The following WDFY3 variants were observed in gnomAD, a reference collection of about 807,000 sequenced individuals.
WDFY3 encodes WD repeat and FYVE domain containing 3.
Under a neutral mutation model 409.6 loss-of-function variants are expected in WDFY3, and 66 were observed. The observed-to-expected ratio is 0.16, with a 90% confidence interval of 0.13 to 0.20. WDFY3 has a LOEUF of 0.20. Ranked by LOEUF, WDFY3 falls within the 10% of genes least tolerant of loss-of-function variation. The probability of loss-of-function intolerance (pLI) is 1.00; values close to 1 mark genes in which losing one functional copy is unlikely to be tolerated. For missense variants in WDFY3, 3,031 were observed against 4,298.1 expected (o/e 0.71, Z 8.24); for synonymous variants, 1,521 against 1,537.1 (o/e 0.99, Z 0.25).
intron 53 of WDFY3, among the ~76,000 whole-genome samples, chr4:84,707,421 C>T (rs1578199127): frequency 6.6e-6 from 1 of 152,100 alleles, no homozygotes; most frequent in African/African-American, 2.4e-5. Context: ...GGTAGACATG[C>T]CTTGGCCACT....
chr4:84,782,968 T>G lies in WDFY3; in HGVS notation c.4169A>C (p.Tyr1390Ser). 6.2e-7 allele frequency: 1 copy of G among 1,612,786 alleles called. No homozygotes were observed. The highest frequency in any genetic ancestry group is 8.5e-7 in the Non-Finnish European group (1 of 1,179,738). ...ACAAAGATAAGTCCACTCACCCAAG[T>G]ATCCAATCAGAGCGGCCCCAATTGT... ...ARTIGAALIG[Y>S]LGVRTFVPKP... The change falls in exon 25 of 68, where the codon TAC becomes TCC. Residue 1390 changes from tyrosine to serine, a missense_variant. Physicochemically the swap from Tyr to Ser is moderately radical, Grantham distance 144. Transcript: ENST00000295888.
chr4:84,946,759 T>C (rs1395955544), intron 1 of WDFY3, among the ~76,000 whole-genome samples: 1 of 152,110 alleles, frequency 6.6e-6, no homozygotes, highest in Non-Finnish European at 1.5e-5. Flanking sequence ...ACCCTGGCTC[T>C]AGTACAGACA....
At chr4:84,797,213 C>A (rs1749606848) in intron 18 of WDFY3, among the ~76,000 whole-genome samples, 1 of 152,106 alleles carries the variant, frequency 6.6e-6, no homozygotes, top group Non-Finnish European at 1.5e-5. Flanking sequence ...AAACTTGCTT[C>A]TCCCATTTTT....
intron 7 of WDFY3, among the ~76,000 whole-genome samples, chr4:84,833,752 C>A (rs955151173): frequency 1.3e-5 from 2 of 149,492 alleles, no homozygotes; most frequent in Non-Finnish European, 3.0e-5. Context: ...AGAAGCGAAG[C>A]TCAATAGAGA....
chr4:84,836,767 T>A (rs1459475362), intron 7 of WDFY3, among the ~76,000 whole-genome samples, 162 bp downstream of exon 7: 1 of 152,190 alleles, frequency 6.6e-6, no homozygotes, highest in African/African-American at 2.4e-5. Flanking sequence ...CAATATTATT[T>A]CTGCAGATTC....
chr4:84,876,628 A>T (rs1762819581), intron 3 of WDFY3, among the ~76,000 whole-genome samples: 1 of 152,100 alleles, frequency 6.6e-6, no homozygotes, highest in South Asian at 2.1e-4. Flanking sequence ...AGAGAACCAA[A>T]TCTTATTTAA....
At chr4:84,742,719 C>T (rs1425893908) in intron 37 of WDFY3, among the ~76,000 whole-genome samples, 2 of 152,148 alleles carry the variant, frequency 1.3e-5, no homozygotes, top group East Asian at 1.9e-4. Context: ...TTGCACAGTC[C>T]TTCCGAGAAT....
At chr4:84,824,973 G>A (rs753376488) in intron 10 of WDFY3, among the ~76,000 whole-genome samples, 20 of 152,012 alleles carry the variant, frequency 1.3e-4, no homozygotes, top group Non-Finnish European at 2.9e-4. Context: ...AGAAAAGTTA[G>A]GTCACTTATG....
In WDFY3 at chr4:84,841,146, G is replaced by A. The variant is rs374636883; in HGVS notation, c.414+8C>T. 1.9e-6 allele frequency: 3 copies of A among 1,594,956 alleles called. No homozygotes were observed. Among genetic ancestry groups the A allele is most frequent in the African/African-American group, 2.7e-5 (2 of 73,740 alleles). On this transcript the variant is annotated splice_region_variant and intron_variant, in intron 6 of 67. Transcript: ENST00000295888. ...CTGAGTTATCAAACATGAAAACTAA[G>A]AACTTACCTGACCAGAGGAAGCTAA...
intron 1 of WDFY3, among the ~76,000 whole-genome samples, chr4:84,950,334 G>A (rs1773446466): frequency 6.6e-6 from 1 of 151,628 alleles, no homozygotes; most frequent in African/African-American, 2.4e-5. Flanking sequence ...GTTAATAGGT[G>A]CAGCAAACCA....
chr4:84,687,855 A>G (rs372265955), intron 62 of WDFY3: 53 of 413,416 alleles, frequency 1.3e-4, no homozygotes, highest in African/African-American at 8.4e-4. Context: ...TCCTTAGGCA[A>G]CTTGGTGGTC....
At chr4:84,935,996 T>C (rs1771356277) in intron 1 of WDFY3, among the ~76,000 whole-genome samples, 1 of 152,168 alleles carries the variant, frequency 6.6e-6, no homozygotes. Flanking sequence ...CATGCTTTCC[T>C]TGCCTCCAAT....
chr4:84,784,578 C>T (rs1747131152), intron 24 of WDFY3, among the ~76,000 whole-genome samples: 1 of 151,886 alleles, frequency 6.6e-6, no homozygotes. Context: ...TGGCTCACAC[C>T]TGTAATCCCA....
chr4:84,923,293 T>A (rs1769523485), intron 2 of WDFY3, among the ~76,000 whole-genome samples: 2 of 152,198 alleles, frequency 1.3e-5, no homozygotes, highest in South Asian at 2.1e-4. Context: ...AATAAAAAGA[T>A]GAGGCCAAAG....
Position 84,787,620 on chromosome 4 carries a change from G to C in WDFY3, c.3763C>G (p.Gln1255Glu). The change falls in exon 23 of 68, where the codon CAA becomes GAA. Residue 1255 changes from glutamine (Q) to glutamate (E), a missense_variant. Physicochemically the swap from Gln to Glu is conservative, Grantham distance 29. Coordinates refer to ENST00000295888, the MANE Select transcript of WDFY3 (RefSeq NM_014991.6). ...CAAACCAATGAGGCAATTTGGCGTT[G>C]GGCAGGTGGAGTACCAATGTAGGCA... Reference protein sequence around the residue: ...VYAYIGTPPAQRQIASLVWRL... With the variant: ...VYAYIGTPPAERQIASLVWRL... 1 of 1,614,178 alleles carries C rather than the reference G, an allele frequency of 6.2e-7. No individual in the cohort carries two copies. The highest frequency in any genetic ancestry group is 1.1e-5 in the South Asian group (1 of 91,076).
At chr4:84,816,784 G>A (rs1484485185) in intron 13 of WDFY3, among the ~76,000 whole-genome samples, 1 of 151,998 alleles carries the variant, frequency 6.6e-6, no homozygotes, top group Admixed American at 6.6e-5. Flanking sequence ...AAACAATGGT[G>A]CTGTGGAAAT....
At chr4:84,740,704 G>A (rs2149223763) in intron 38 of WDFY3, among the ~76,000 whole-genome samples, 1 of 152,240 alleles carries the variant, frequency 6.6e-6, no homozygotes, top group Non-Finnish European at 1.5e-5. Context: ...AGAACACGAG[G>A]ATGTGACAGC....
chr4:84,740,115 A>C, intron 39 of WDFY3, 72 bp downstream of exon 39: 20 of 1,478,792 alleles, frequency 1.4e-5, no homozygotes, highest in Non-Finnish European at 1.9e-5. Flanking sequence ...TACTATCAAA[A>C]AAAATAAAGA....
At chr4:84,776,942 T>C (rs976769932) in intron 27 of WDFY3, among the ~76,000 whole-genome samples, 29 of 152,042 alleles carry the variant, frequency 1.9e-4, no homozygotes, top group African/African-American at 6.5e-4. Context: ...GTTATCCTAG[T>C]ATGAATAGGA....
Sources: allele counts gnomAD v4.1 joint callset (sites outside exome capture counted in the v4.1 genomes callset), GRCh38; gene constraint gnomAD v4.1.1; transcripts MANE v1.5; gene names NCBI Gene and HGNC (gene_info 2026-07-23, HGNC 2026-07-21).